SGCZ: variants seen among roughly 807,000 people sequenced by gnomAD.
The protein encoded by SGCZ is sarcoglycan zeta, also known as zeta-sarcoglycan.
SGCZ carries 40 observed loss-of-function variants against 41.3 expected under a neutral mutation model. The ratio of observed to expected loss-of-function variants is 0.97; its 90% confidence interval spans 0.75 to 1.26. The LOEUF (loss-of-function observed/expected upper bound fraction) is 1.26, where lower values mean the gene tolerates loss of function less well. Ranked by LOEUF, SGCZ falls within the 50% of genes most tolerant of loss-of-function variation. The probability of loss-of-function intolerance (pLI) is 0.00; values close to 1 mark genes in which losing one functional copy is unlikely to be tolerated. For synonymous variants in SGCZ, 206 were observed against 137.5 expected, an observed-to-expected ratio of 1.50 and a Z score of -3.49; for missense variants, 552 against 369.8, an observed-to-expected ratio of 1.49 and a Z score of -4.04.
At chr8:14,754,872 C>A (rs1000857795) in intron 1 of SGCZ, among the ~76,000 whole-genome samples, 2 of 152,008 alleles carry the variant, frequency 1.3e-5, no homozygotes, top group African/African-American at 4.8e-5. Flanking sequence ...TAGGTGTGCA[C>A]CACCACACCC....
At chr8:14,862,246 G>A (rs1370763058) in intron 1 of SGCZ, among the ~76,000 whole-genome samples, 1 of 151,676 alleles carries the variant, frequency 6.6e-6, no homozygotes, top group African/African-American at 2.4e-5. Flanking sequence ...AGAATCTGAG[G>A]GTCATTTAGT....
chr8:14,674,063 A>G (rs530763016), intron 1 of SGCZ, among the ~76,000 whole-genome samples: 1 of 152,166 alleles, frequency 6.6e-6, no homozygotes, highest in African/African-American at 2.4e-5. Flanking sequence ...ATAAATTTAT[A>G]TATTTTTATT....
chr8:14,260,969 G>C (rs906429390), intron 3 of SGCZ, among the ~76,000 whole-genome samples: 2 of 152,116 alleles, frequency 1.3e-5, no homozygotes, highest in African/African-American at 4.8e-5. Context: ...AGTGGGGAGG[G>C]ATAGCATTGG....
At chr8:14,722,195 G>C (rs1490807227) in intron 1 of SGCZ, among the ~76,000 whole-genome samples, 1 of 151,878 alleles carries the variant, frequency 6.6e-6, no homozygotes, top group Non-Finnish European at 1.5e-5. Context: ...TCTACCTCTA[G>C]AATTAAACCA....
intron 2 of SGCZ, among the ~76,000 whole-genome samples, chr8:14,523,641 A>G (rs1439858670): frequency 6.6e-6 from 1 of 151,964 alleles, no homozygotes; most frequent in Admixed American, 6.6e-5. Flanking sequence ...GTTTGTGTCT[A>G]GCTTTAGATT....
intron 1 of SGCZ, among the ~76,000 whole-genome samples, chr8:14,850,750 G>A (rs555538524): frequency 2.0e-4 from 30 of 152,190 alleles, no homozygotes; most frequent in African/African-American, 7.0e-4. Context: ...AATCATGGCG[G>A]CAGTTTCCCC....
At chr8:14,330,192 C>A (rs1032090473) in intron 2 of SGCZ, among the ~76,000 whole-genome samples, 1 of 152,086 alleles carries the variant, frequency 6.6e-6, no homozygotes, top group Non-Finnish European at 1.5e-5. Context: ...TTTACCTCTT[C>A]TTTAAAAGTT....
intron 4 of SGCZ, among the ~76,000 whole-genome samples, chr8:14,201,501 T>C (rs946229253): frequency 2.6e-5 from 4 of 152,148 alleles, no homozygotes; most frequent in African/African-American, 9.7e-5. Flanking sequence ...TCAAATCCAT[T>C]GTGCTGAGTG....
At chr8:14,268,421 C>T (rs1799950640) in intron 3 of SGCZ, among the ~76,000 whole-genome samples, 1 of 151,210 alleles carries the variant, frequency 6.6e-6, no homozygotes, top group Non-Finnish European at 1.5e-5. Context: ...CTCTGACTTT[C>T]CAATTTCAAG....
intron 1 of SGCZ, among the ~76,000 whole-genome samples, chr8:14,958,532 T>C (rs543216408): frequency 1.3e-5 from 2 of 151,826 alleles, no homozygotes; most frequent in African/African-American, 4.8e-5. Flanking sequence ...AAAAAAACGA[T>C]TTGTGGTGAA....
At chr8:14,367,883 G>A (rs1478295073) in intron 2 of SGCZ, among the ~76,000 whole-genome samples, 1 of 152,018 alleles carries the variant, frequency 6.6e-6, no homozygotes, top group Admixed American at 6.6e-5. Context: ...ACTTAATAAT[G>A]CTTGCCCACC....
intron 2 of SGCZ, among the ~76,000 whole-genome samples, chr8:14,469,008 G>T (rs990822300): frequency 6.6e-6 from 1 of 151,748 alleles, no homozygotes; most frequent in Non-Finnish European, 1.5e-5. Flanking sequence ...CTACTCACTT[G>T]TCCTCTTGCC....
intron 1 of SGCZ, among the ~76,000 whole-genome samples, chr8:15,145,167 T>C (rs1049131477): frequency 6.6e-6 from 1 of 152,222 alleles, no homozygotes; most frequent in African/African-American, 2.4e-5. Flanking sequence ...GTGAAGGTTA[T>C]AACTAATTCT....
intron 7 of SGCZ, among the ~76,000 whole-genome samples, chr8:14,093,031 T>G (rs1801736437): frequency 6.6e-6 from 1 of 152,034 alleles, no homozygotes; most frequent in Admixed American, 6.6e-5. Flanking sequence ...CTGACATGCA[T>G]GGAGAAAGTT....
At chr8:14,516,643 C>A (rs1479537687) in intron 2 of SGCZ, among the ~76,000 whole-genome samples, 1 of 151,996 alleles carries the variant, frequency 6.6e-6, no homozygotes, top group Non-Finnish European at 1.5e-5. Context: ...GGTACTATTC[C>A]TAAAAAGCAT....
At chr8:15,115,362 T>C (rs921727159) in intron 1 of SGCZ, among the ~76,000 whole-genome samples, 1 of 152,150 alleles carries the variant, frequency 6.6e-6, no homozygotes, top group Admixed American at 6.5e-5. Context: ...ACAAAGGAAG[T>C]GGAATCTTCC....
At chr8:14,200,651 G>C (rs1404833569) in intron 4 of SGCZ, among the ~76,000 whole-genome samples, 6 of 151,998 alleles carry the variant, frequency 3.9e-5, no homozygotes, top group African/African-American at 1.4e-4. Flanking sequence ...AAACATGCTG[G>C]AATATATAGA....
chr8:14,158,724 A>C (rs112292442), intron 5 of SGCZ, among the ~76,000 whole-genome samples: 4 of 152,282 alleles, frequency 2.6e-5, no homozygotes, highest in African/African-American at 9.6e-5. Flanking sequence ...AGACAAAGTA[A>C]CTACGACCAA....
At chr8:14,368,056 G>T (rs757524110) in intron 2 of SGCZ, among the ~76,000 whole-genome samples, 3 of 151,954 alleles carry the variant, frequency 2.0e-5, no homozygotes, top group Non-Finnish European at 1.5e-5. Context: ...AATTGTCAAG[G>T]TATTTAAATT....
Sources: gnomAD v4.1 joint callset for allele counts (sites outside exome capture counted in the v4.1 genomes callset) on GRCh38, gnomAD v4.1.1 for gene constraint, MANE v1.5 for transcripts, NCBI Gene and HGNC (gene_info 2026-07-23, HGNC 2026-07-21) for gene names.